Variants in LRRC7 observed in about 807,000 individuals in gnomAD.
LRRC7 encodes the protein leucine rich repeat containing 7.
In LRRC7, 23 loss-of-function variants were observed where a neutral mutation model predicts 175.7. The observed-to-expected ratio is 0.13, with a 90% CI of 0.09 to 0.19. The LOEUF is 0.19. Ranked by LOEUF, LRRC7 falls within the 10% of genes least tolerant of loss-of-function variation. LRRC7 has a pLI of 1.00. For missense variants in LRRC7, 1,354 were observed against 1,904.7 expected (o/e 0.71, Z 5.38); for synonymous variants, 685 against 680.9 (o/e 1.01, Z -0.09).
intron 2 of LRRC7, among the ~76,000 whole-genome samples, chr1:69,718,134 G>GA (rs761413409): frequency 2.0e-5 from 1 of 48,918 alleles, no homozygotes; most frequent in Non-Finnish European, 4.1e-5. Flanking sequence ...AGAAAAGAAA[G>GA]AAAGAGAGAG....
intron 1 of LRRC7, among the ~76,000 whole-genome samples, chr1:69,571,863 C>T (rs1293195911): frequency 6.6e-6 from 1 of 152,118 alleles, no homozygotes; most frequent in Non-Finnish European, 1.5e-5. Context: ...ATTACATTTT[C>T]TTTCTTCACA....
chr1:69,932,798 T>C (rs533105718), intron 8 of LRRC7, among the ~76,000 whole-genome samples: 3 of 152,320 alleles, frequency 2.0e-5, no homozygotes, highest in Admixed American at 6.5e-5. Context: ...CTAAATTTCT[T>C]TGTGACCTGG....
intron 24 of LRRC7, among the ~76,000 whole-genome samples, chr1:70,085,590 A>G (rs917164685): frequency 5.9e-5 from 9 of 151,934 alleles, no homozygotes; most frequent in Non-Finnish European, 1.3e-4. Flanking sequence ...TCATTGTTTG[A>G]TCTTTGGCAT....
At chr1:70,018,634 G>T in intron 14 of LRRC7, 85 bp from the exon 15 acceptor site, 1 of 775,374 alleles carries the variant, frequency 1.3e-6, no homozygotes, top group Non-Finnish European at 2.0e-6. Flanking sequence ...TCCCCCCAAT[G>T]TTTATTTATC....
chr1:69,660,061 A>C (rs890497599), intron 1 of LRRC7, among the ~76,000 whole-genome samples: 1 of 151,934 alleles, frequency 6.6e-6, no homozygotes, highest in Non-Finnish European at 1.5e-5. Flanking sequence ...TTTTTTCAAC[A>C]GGCATATCTT....
At chr1:69,604,002 TG>T (rs1218306149) in intron 1 of LRRC7, among the ~76,000 whole-genome samples, 1 of 152,122 alleles carries the variant, frequency 6.6e-6, no homozygotes, top group Non-Finnish European at 1.5e-5. Flanking sequence ...ATATGAATAG[TG>T]TAAAAAATTC....
chr1:70,104,741 A>G (rs1462765056), intron 25 of LRRC7, among the ~76,000 whole-genome samples: 1 of 152,164 alleles, frequency 6.6e-6, no homozygotes. Context: ...CTATGTGATG[A>G]GTGAAATTAA....
intron 3 of LRRC7, among the ~76,000 whole-genome samples, chr1:69,777,343 T>C (rs999339736): frequency 1.3e-5 from 2 of 152,210 alleles, no homozygotes; most frequent in African/African-American, 4.8e-5. Flanking sequence ...AAGAACTGTA[T>C]AATCCATTCG....
chr1:69,612,975 T>G (rs1649022171), intron 1 of LRRC7, among the ~76,000 whole-genome samples: 1 of 152,090 alleles, frequency 6.6e-6, no homozygotes, highest in South Asian at 2.1e-4. Flanking sequence ...GTTCTCTATG[T>G]GCCATATTTT....
At chr1:69,846,655 C>T (rs1368813633) in intron 7 of LRRC7, among the ~76,000 whole-genome samples, 3 of 152,048 alleles carry the variant, frequency 2.0e-5, no homozygotes, top group African/African-American at 7.2e-5. Flanking sequence ...TTCTTTGAAT[C>T]TCAATGTCCT....
intron 7 of LRRC7, among the ~76,000 whole-genome samples, chr1:69,889,455 C>A (rs1557856437): frequency 1.3e-5 from 2 of 152,118 alleles, no homozygotes; most frequent in Non-Finnish European, 1.5e-5. Context: ...ATTCTGAATT[C>A]TTTCTTGTCA....
intron 3 of LRRC7, among the ~76,000 whole-genome samples, chr1:69,776,785 CCTCA>C (rs2101003881): frequency 6.6e-6 from 1 of 151,722 alleles, no homozygotes; most frequent in Non-Finnish European, 1.5e-5. Flanking sequence ...AACAATGCAA[CCTCA>C]CTACCTTGCT....
intron 8 of LRRC7, among the ~76,000 whole-genome samples, chr1:69,953,459 A>G (rs561575476): frequency 1.3e-4 from 20 of 151,904 alleles, no homozygotes; most frequent in Non-Finnish European, 2.8e-4. Context: ...AGTTGTCCCT[A>G]TTTATGGAGG....
intron 1 of LRRC7, among the ~76,000 whole-genome samples, chr1:69,585,950 C>T (rs1646386803): frequency 7.2e-5 from 11 of 152,080 alleles, no homozygotes; most frequent in Admixed American, 6.5e-4. Context: ...ACGAAATCAG[C>T]TACTAAAAAT....
intron 4 of LRRC7, among the ~76,000 whole-genome samples, chr1:69,802,654 C>T (rs148698009): frequency 6.6e-6 from 1 of 151,352 alleles, no homozygotes; most frequent in Non-Finnish European, 1.5e-5. Context: ...ATAGTTAATT[C>T]ATGTTGCTTA....
chr1:70,003,102 T>G (rs1046480161), intron 11 of LRRC7, among the ~76,000 whole-genome samples: 7 of 152,156 alleles, frequency 4.6e-5, no homozygotes, highest in African/African-American at 1.7e-4. Context: ...CCCTCTTCTC[T>G]TGGCTTGTAG....
At chr1:69,672,863 T>C (rs1659273504) in intron 1 of LRRC7, among the ~76,000 whole-genome samples, 1 of 152,204 alleles carries the variant, frequency 6.6e-6, no homozygotes, top group African/African-American at 2.4e-5. Context: ...AACAGTGAGT[T>C]GATAATGTTA....
intron 11 of LRRC7, among the ~76,000 whole-genome samples, chr1:69,998,816 A>G (rs1371275036): frequency 2.6e-5 from 4 of 152,184 alleles, no homozygotes; most frequent in Non-Finnish European, 4.4e-5. Context: ...TTTGCTGGTA[A>G]TTTTTGGCCA....
chr1:69,736,026 G>A (rs906855592), intron 2 of LRRC7, among the ~76,000 whole-genome samples: 1 of 151,972 alleles, frequency 6.6e-6, no homozygotes, highest in Admixed American at 6.6e-5. Flanking sequence ...TCAAAATTGT[G>A]GTGCTGAGAA....
Sources: allele counts gnomAD v4.1 joint callset (sites outside exome capture counted in the v4.1 genomes callset), GRCh38; gene constraint gnomAD v4.1.1; transcripts MANE v1.5; gene names NCBI Gene and HGNC (gene_info 2026-07-23, HGNC 2026-07-21).